Variants in ADAMTS19 observed in about 807,000 individuals in gnomAD.
ADAMTS19 encodes the protein A disintegrin and metalloproteinase with thrombospondin motifs 19.
Under a neutral mutation model 153.3 loss-of-function variants are expected in ADAMTS19, and 93 were observed. The observed-to-expected ratio is 0.61, with a 90% CI of 0.51 to 0.72. ADAMTS19 has a LOEUF of 0.72. ADAMTS19 is among the 30% of genes least tolerant of loss of function. The pLI is 0.00. For missense variants in ADAMTS19, 1,482 were observed against 1,552.1 expected (o/e 0.95, Z 0.76); for synonymous variants, 600 against 556.6 (o/e 1.08, Z -1.10).
chr5:129,471,226 G>A (rs1449459909), intron 2 of ADAMTS19, among the ~76,000 whole-genome samples: 2 of 151,904 alleles, frequency 1.3e-5, no homozygotes, highest in African/African-American at 4.8e-5. Flanking sequence ...ATAAGCCTGG[G>A]GTGGTGGCAC....
intron 19 of ADAMTS19, 70 bp from the exon 20 acceptor site, chr5:129,701,318 T>G: frequency 1.3e-6 from 2 of 1,548,094 alleles, no homozygotes; most frequent in Non-Finnish European, 1.8e-6. Context: ...ATTAGCAGTG[T>G]GAGAACAGAC....
chr5:129,716,055 T>G (rs1183534342), intron 21 of ADAMTS19, among the ~76,000 whole-genome samples: 2 of 152,058 alleles, frequency 1.3e-5, no homozygotes, highest in Non-Finnish European at 2.9e-5. Context: ...AAAAAAAGTA[T>G]TTTTAAAAAT....
chr5:129,470,870 GT>G (rs11405875), intron 2 of ADAMTS19, among the ~76,000 whole-genome samples: 3 of 151,252 alleles, frequency 2.0e-5, no homozygotes, highest in Non-Finnish European at 3.0e-5. Flanking sequence ...ATCTAAATAT[GT>G]TTTTTTTTCC....
intron 6 of ADAMTS19, among the ~76,000 whole-genome samples, chr5:129,548,749 T>C (rs905247181): frequency 7.2e-5 from 11 of 151,740 alleles, no homozygotes; most frequent in Non-Finnish European, 1.0e-4. Context: ...CAGCACTATT[T>C]ACAATAGCAA....
intron 19 of ADAMTS19, among the ~76,000 whole-genome samples, chr5:129,696,335 T>C (rs1025177884): frequency 1.3e-5 from 2 of 152,136 alleles, no homozygotes; most frequent in South Asian, 4.1e-4. Context: ...GAGAATCACT[T>C]GAACCCAGGA....
chr5:129,705,922 A>G (rs1756130366), intron 21 of ADAMTS19, among the ~76,000 whole-genome samples: 1 of 152,216 alleles, frequency 6.6e-6, no homozygotes, highest in East Asian at 1.9e-4. Context: ...TGAAAATGGA[A>G]CAGTGTTTTC....
chr5:129,689,007 C>A (rs1755213080), intron 18 of ADAMTS19, among the ~76,000 whole-genome samples: 1 of 152,086 alleles, frequency 6.6e-6, no homozygotes, highest in East Asian at 1.9e-4. Context: ...TCCAAAATAT[C>A]TGAGGATTGT....
intron 2 of ADAMTS19, among the ~76,000 whole-genome samples, chr5:129,496,028 A>G (rs759732139): frequency 1.9e-4 from 29 of 152,134 alleles, no homozygotes; most frequent in Admixed American, 7.9e-4. Context: ...TTTCATAGCT[A>G]CATTTGTATT....
intron 3 of ADAMTS19, among the ~76,000 whole-genome samples, chr5:129,514,898 C>T (rs1052381664): frequency 1.3e-5 from 2 of 152,002 alleles, no homozygotes; most frequent in African/African-American, 4.8e-5. Context: ...CCAAAGTTTT[C>T]TTGTAATAGT....
chr5:129,737,509 G>A lies in ADAMTS19; in HGVS notation c.*291G>A, dbSNP rs1050124168. On this transcript the variant is annotated 3_prime_UTR_variant, in exon 23 of 23. Transcript: ENST00000274487. ...ATCATTATACTTAAAACAAGTTTTC[G>A]TTGTTTGTTAGGGCTATCTCTAAGG... is the stretch of plus-strand genomic sequence containing the variant. The A allele has an allele frequency of 2.8e-5, 5 of 178,334 alleles. No individual in the cohort carries two copies. The highest frequency in any genetic ancestry group is 6.2e-5 in the Admixed American group (1 of 16,184). 11.0% of individuals were successfully genotyped at this position (178,334 alleles called of 1,614,324 possible). A position where few individuals can be genotyped will look rare whatever the true frequency, so the allele number is the denominator to read the frequency against.
chr5:129,513,189 C>T (rs559283259), intron 3 of ADAMTS19, among the ~76,000 whole-genome samples: 1 of 151,180 alleles, frequency 6.6e-6, no homozygotes, highest in South Asian at 2.1e-4. Flanking sequence ...CCAACCAAAA[C>T]ACAAGTAACA....
In ADAMTS19 at chr5:129,620,650, C is replaced by T. The variant is rs142529691; in HGVS notation, c.1511C>T (p.Ser504Leu). 205 of 1,610,748 alleles carry T rather than the reference C, an allele frequency of 1.3e-4. No homozygotes were observed. The African/African-American group carries it at 2.5e-3, about 20-fold the overall frequency. The change falls in exon 9 of 23, where the codon TCG becomes TTG. Residue 504 changes from serine (S) to leucine (L), a missense_variant. By Grantham distance (145) the Ser-to-Leu change is moderately radical. Coordinates refer to ENST00000274487, the MANE Select transcript of ADAMTS19 (RefSeq NM_133638.6). ...ATTAACCATGACAATGACCACCCAT[C>T]GTGTGCTGATGGTCTTCATATCATG... is the stretch of plus-strand genomic sequence containing the variant. ...MGINHDNDHP[S>L]CADGLHIMSG...
intron 10 of ADAMTS19, among the ~76,000 whole-genome samples, chr5:129,635,833 C>T (rs896642602): frequency 6.6e-6 from 1 of 152,086 alleles, no homozygotes; most frequent in African/African-American, 2.4e-5. Flanking sequence ...CATCATACCC[C>T]CATGACACAA....
At chr5:129,600,736 A>G (rs945737265) in intron 8 of ADAMTS19, among the ~76,000 whole-genome samples, 5 of 152,200 alleles carry the variant, frequency 3.3e-5, no homozygotes, top group Non-Finnish European at 5.9e-5. Flanking sequence ...TTATCAACTT[A>G]TAAATATATA....
chr5:129,591,185 T>C (rs1036229217), intron 7 of ADAMTS19, among the ~76,000 whole-genome samples: 1 of 152,216 alleles, frequency 6.6e-6, no homozygotes, highest in Admixed American at 6.5e-5. Flanking sequence ...AAGCCTTTCC[T>C]GCTTACATTT....
intron 15 of ADAMTS19, among the ~76,000 whole-genome samples, chr5:129,660,398 G>T (rs1753770723): frequency 6.6e-6 from 1 of 151,726 alleles, no homozygotes; most frequent in African/African-American, 2.4e-5. Context: ...TTATAGTGCA[G>T]AAATTCAAAA....
Position 129,704,309 on chromosome 5 carries a change from T to C in ADAMTS19, c.3230T>C (p.Val1077Ala). Reference protein sequence around the residue: ...VRCTNPRKKCVLSTRPREAED... With the variant: ...VRCTNPRKKCALSTRPREAED... ...TGTACCAACCCAAGAAAGAAGTGTGTCCTCTCTACCAGACCCAGGGAGGCT... is the reference window on the plus strand; with the variant it reads ...TGTACCAACCCAAGAAAGAAGTGTGCCCTCTCTACCAGACCCAGGGAGGCT... The change falls in exon 21 of 23, where the codon GTC (valine) becomes GCC (alanine). Residue 1077 changes from valine (V) to alanine (A), a missense_variant. By Grantham distance (64) the Val-to-Ala change is moderately conservative. Transcript: ENST00000274487. 2 of 1,614,130 alleles carry C rather than the reference T, an allele frequency of 1.2e-6. No homozygotes were observed. Among genetic ancestry groups the C allele is most frequent in the East Asian group, 2.2e-5 (1 of 44,864 alleles).
Position 129,552,024 on chromosome 5 carries a change from C to T in ADAMTS19, c.1372+117C>T, listed in dbSNP as rs538453978. The T allele has an allele frequency of 3.7e-4, 231 of 621,318 alleles. No homozygotes were observed. In the African/African-American group the frequency reaches 3.8e-3, roughly 10 times the overall value. 38.5% of individuals were successfully genotyped at this position (621,318 alleles called of 1,614,324 possible). On this transcript the variant is annotated intron_variant, in intron 7 of 22. Coordinates refer to ENST00000274487, the MANE Select transcript of ADAMTS19 (RefSeq NM_133638.6). The stretch of plus-strand genomic sequence containing the variant: ...AAAGGAATAACTTCAAAATGTCAGA[C>T]ATACATATTTTCTACCTATATGTTT...
intron 9 of ADAMTS19, among the ~76,000 whole-genome samples, 198 bp from the exon 10 acceptor site, chr5:129,622,000 C>G (rs1450586701): frequency 6.6e-6 from 1 of 152,072 alleles, no homozygotes; most frequent in African/African-American, 2.4e-5. Context: ...GTTCTTTTAA[C>G]TTGAAAATTA....
Sources: allele counts gnomAD v4.1 joint callset (sites outside exome capture counted in the v4.1 genomes callset), GRCh38; gene constraint gnomAD v4.1.1; transcripts MANE v1.5; gene names NCBI Gene and HGNC (gene_info 2026-07-23, HGNC 2026-07-21).